Variants in SLC4A4 observed in about 807,000 individuals in gnomAD.
SLC4A4 encodes solute carrier family 4 member 4.
In SLC4A4, 27 loss-of-function variants were observed where a neutral mutation model predicts 111.5. The observed-to-expected ratio is 0.24, with a 90% CI of 0.18 to 0.33. SLC4A4 has a LOEUF of 0.33. Among genes scored for constraint, SLC4A4 ranks in the 10% least tolerant of loss-of-function variants. SLC4A4 has a pLI of 1.00. For synonymous variants in SLC4A4, 443 were observed against 463.4 expected, an observed-to-expected ratio of 0.96 and a Z score of 0.57; for missense variants, 909 against 1,315.5, an observed-to-expected ratio of 0.69 and a Z score of 4.78.
intron 18 of SLC4A4, among the ~76,000 whole-genome samples, chr4:71,537,504 A>T (rs1474509805): frequency 6.6e-6 from 1 of 151,500 alleles, no homozygotes; most frequent in Non-Finnish European, 1.5e-5. Flanking sequence ...AAAAGGCCAG[A>T]TAACTTTAAA....
intron 15 of SLC4A4, among the ~76,000 whole-genome samples, chr4:71,493,454 TCAA>T (rs952898800): frequency 1.3e-5 from 2 of 152,040 alleles, no homozygotes; most frequent in African/African-American, 4.8e-5. Flanking sequence ...GTTTGTTCAA[TCAA>T]CAATGATTTC....
chr4:71,304,416 C>A (rs1025246982), intron 3 of SLC4A4, among the ~76,000 whole-genome samples: 1 of 148,262 alleles, frequency 6.7e-6, no homozygotes, highest in African/African-American at 2.6e-5. Context: ...CCAGCTTAAA[C>A]ACAAAGGTGA....
chr4:71,410,343 G>A (rs1721256828), intron 7 of SLC4A4, among the ~76,000 whole-genome samples: 1 of 152,196 alleles, frequency 6.6e-6, no homozygotes, highest in South Asian at 2.1e-4. Flanking sequence ...CCACAGGGGT[G>A]GAGCTGCCCA....
At chr4:71,139,035 C>CAAAAA (rs5859250) in intron 2 of SLC4A4, among the ~76,000 whole-genome samples, 31 of 42,796 alleles carry the variant, frequency 7.2e-4, no homozygotes, top group East Asian at 2.9e-3. Context: ...GACTCCGTCT[C>CAAAAA]AAAAAAAAAA....
intron 7 of SLC4A4, among the ~76,000 whole-genome samples, chr4:71,418,152 A>T (rs974423248): frequency 6.6e-6 from 1 of 152,208 alleles, no homozygotes; most frequent in African/African-American, 2.4e-5. Context: ...TTGAAATTTC[A>T]TCCTGTTTAG....
At chr4:71,493,834 T>C (rs1730162745) in intron 15 of SLC4A4, among the ~76,000 whole-genome samples, 1 of 152,028 alleles carries the variant, frequency 6.6e-6, no homozygotes, top group Non-Finnish European at 1.5e-5. Context: ...CCTTGCAATT[T>C]GCATATTCTA....
chr4:71,208,914 G>T (rs1717956618), intron 1 of SLC4A4, among the ~76,000 whole-genome samples: 1 of 151,410 alleles, frequency 6.6e-6, no homozygotes, highest in Admixed American at 6.6e-5. Flanking sequence ...ATATTTCTCA[G>T]TTTTTTTTTC....
chr4:71,158,810 C>T (rs1435450289), intron 2 of SLC4A4, among the ~76,000 whole-genome samples: 2 of 152,086 alleles, frequency 1.3e-5, no homozygotes, highest in African/African-American at 4.8e-5. Context: ...TATGTGTGGG[C>T]CACCAGCAAG....
intron 3 of SLC4A4, among the ~76,000 whole-genome samples, chr4:71,288,654 C>T (rs568085391): frequency 1.2e-4 from 18 of 152,074 alleles, no homozygotes; most frequent in Non-Finnish European, 2.4e-4. Flanking sequence ...CCCCCTTGGC[C>T]TCCCATAGTG....
intron 3 of SLC4A4, among the ~76,000 whole-genome samples, chr4:71,274,554 C>G (rs971877267): frequency 1.3e-5 from 2 of 152,192 alleles, no homozygotes; most frequent in Non-Finnish European, 1.5e-5. Flanking sequence ...GTCAGAAGTG[C>G]AGTTCCCAAA....
intron 7 of SLC4A4, among the ~76,000 whole-genome samples, chr4:71,439,336 A>G (rs1577905852): frequency 6.7e-6 from 1 of 148,824 alleles, no homozygotes; most frequent in African/African-American, 2.5e-5. Context: ...GCTGAGGCAG[A>G]AGAATCACTT....
At chr4:71,320,130 C>T (rs1258278009) in intron 3 of SLC4A4, among the ~76,000 whole-genome samples, 2 of 151,994 alleles carry the variant, frequency 1.3e-5, no homozygotes, top group Non-Finnish European at 1.5e-5. Flanking sequence ...GGAACAATCC[C>T]TTCCCCTTCC....
At chr4:71,198,650 C>T (rs1185932279) in intron 1 of SLC4A4, among the ~76,000 whole-genome samples, 1 of 152,060 alleles carries the variant, frequency 6.6e-6, no homozygotes, top group African/African-American at 2.4e-5. Flanking sequence ...CCAAGAATAT[C>T]AGAACTAGGA....
chr4:71,330,711 A>G (rs1176327913), intron 3 of SLC4A4, among the ~76,000 whole-genome samples: 1 of 152,230 alleles, frequency 6.6e-6, no homozygotes, highest in Non-Finnish European at 1.5e-5. Flanking sequence ...AAGCAATGGC[A>G]ACAAAAGCCA....
chr4:71,442,621 C>T (rs1233093574), intron 8 of SLC4A4, among the ~76,000 whole-genome samples: 1 of 152,120 alleles, frequency 6.6e-6, no homozygotes, highest in African/African-American at 2.4e-5. Context: ...ACTGCATGTA[C>T]ATTTCATGAT....
chr4:71,080,759 T>TA (rs1741973630), intron 1 of SLC4A4, among the ~76,000 whole-genome samples: 1 of 152,142 alleles, frequency 6.6e-6, no homozygotes, highest in East Asian at 1.9e-4. Flanking sequence ...TTCACCTGGG[T>TA]TTGTAAGCCC....
chr4:71,398,251 C>G (rs1333867872), intron 7 of SLC4A4, among the ~76,000 whole-genome samples: 4 of 149,360 alleles, frequency 2.7e-5, no homozygotes, highest in Non-Finnish European at 5.9e-5. Context: ...CACCACTGTG[C>G]TCCAACCTCA....
chr4:71,422,787 AC>A (rs1293358603), intron 7 of SLC4A4, among the ~76,000 whole-genome samples: 2 of 152,052 alleles, frequency 1.3e-5, no homozygotes, highest in African/African-American at 2.4e-5. Context: ...AAATTCAACA[AC>A]CCTTCATGCT....
chr4:71,478,263 A>G (rs1042852777), intron 14 of SLC4A4, among the ~76,000 whole-genome samples: 7 of 151,984 alleles, frequency 4.6e-5, no homozygotes, highest in African/African-American at 1.4e-4. Context: ...GTGACTGGGT[A>G]TATACCCAAA....
Sources: allele counts gnomAD v4.1 joint callset (sites outside exome capture counted in the v4.1 genomes callset), GRCh38; gene constraint gnomAD v4.1.1; transcripts MANE v1.5; gene names NCBI Gene and HGNC (gene_info 2026-07-23, HGNC 2026-07-21).